Variants in ANKRD18B observed in about 807,000 individuals in gnomAD.
The protein encoded by ANKRD18B is ankyrin repeat domain-containing protein 18B.
ANKRD18B carries 75 observed loss-of-function variants against 111.8 expected under a neutral mutation model. The observed-to-expected ratio is 0.67, with a 90% confidence interval of 0.56 to 0.81. The LOEUF (loss-of-function observed/expected upper bound fraction) is 0.81, where lower values mean the gene tolerates loss of function less well. Among genes scored for constraint, ANKRD18B ranks in the 40% least tolerant of loss-of-function variants. The pLI is 0.00. For synonymous variants in ANKRD18B, 356 were observed against 417.3 expected (o/e 0.85, Z 1.79); for missense variants, 1,038 against 1,225.5 (o/e 0.85, Z 2.28).
chr9:33,536,762 AG>A (rs1191514786), intron 5 of ANKRD18B, 115 bp from the exon 6 acceptor site: 132 of 637,006 alleles, frequency 2.1e-4, no homozygotes, highest in Middle Eastern at 1.5e-3. Flanking sequence ...ATTGGACATT[AG>A]ATTTCTGATA....
chr9:33,552,494 T>G (rs1429416841), intron 12 of ANKRD18B, among the ~76,000 whole-genome samples: 1 of 152,198 alleles, frequency 6.6e-6, no homozygotes, highest in Non-Finnish European at 1.5e-5. Context: ...TCCAGGGTTT[T>G]CAGCTCCGTG....
intron 10 of ANKRD18B, among the ~76,000 whole-genome samples, chr9:33,543,562 C>G (rs1201130297): frequency 6.6e-6 from 1 of 152,136 alleles, no homozygotes; most frequent in African/African-American, 2.4e-5. Context: ...AGTTGTATTA[C>G]TAAGCAAGAG....
At chr9:33,529,478 T>G (rs2117976044) in intron 3 of ANKRD18B, among the ~76,000 whole-genome samples, 1 of 152,270 alleles carries the variant, frequency 6.6e-6, no homozygotes, top group East Asian at 1.9e-4. Context: ...AGGAAAAAAA[T>G]TGCCCTGGAA....
chr9:33,539,077 A>G (rs1361730282), intron 6 of ANKRD18B, among the ~76,000 whole-genome samples: 1 of 152,214 alleles, frequency 6.6e-6, no homozygotes, highest in African/African-American at 2.4e-5. Context: ...TAATTCATTC[A>G]AATACTTGTC....
chr9:33,555,796 G>C lies in ANKRD18B; in HGVS notation c.2306G>C (p.Arg769Pro). ...GCGGATCAAATAAGAAAGAAAAATC[G>C]TGAATTAGAAGAAGAGGCAACTGGG... is the stretch of plus-strand genomic sequence containing the variant. ...YTADQIRKKNRELEEEATGYK... is the reference protein window; with the variant it reads ...YTADQIRKKNPELEEEATGYK... Residue 769 changes from arginine to proline, a missense_variant, in exon 13 of 19, where the codon CGT becomes CCT. Arg to Pro is a moderately radical substitution (Grantham distance 103, BLOSUM62 -2). Coordinates refer to ENST00000684830, the MANE Select transcript of ANKRD18B (RefSeq NM_001393611.1). The C allele has an allele frequency of 3.6e-6, 5 of 1,399,534 alleles. No individual in the cohort carries two copies. The highest frequency in any genetic ancestry group is 4.7e-6 in the Non-Finnish European group (5 of 1,075,112). 86.7% of individuals were successfully genotyped at this position (1,399,534 alleles called of 1,614,324 possible).
Position 33,572,921 on chromosome 9 carries a change from A to T in ANKRD18B, c.*487A>T. ...GATGACTTGTGTTTGAACAAGTATT[A>T]CTGTGATGGTTGCCAGATGATTATT... On this transcript the variant is annotated 3_prime_UTR_variant, in exon 19 of 19. Coordinates refer to ENST00000684830, the MANE Select transcript of ANKRD18B (RefSeq NM_001393611.1). 1 of 248,812 alleles carries T rather than the reference A, an allele frequency of 4.0e-6. No homozygotes were observed. Among genetic ancestry groups the T allele is most frequent in the Non-Finnish European group, 6.6e-6 (1 of 150,628 alleles). 15.4% of individuals were successfully genotyped at this position (248,812 alleles called of 1,614,324 possible).
At chr9:33,569,385 C>T (rs1340580484) in intron 17 of ANKRD18B, among the ~76,000 whole-genome samples, 1 of 151,436 alleles carries the variant, frequency 6.6e-6, no homozygotes, top group Non-Finnish European at 1.5e-5. Flanking sequence ...TTGCCTCAGC[C>T]TCCCAAGTAG....
At chr9:33,534,300 G>A in intron 4 of ANKRD18B, 70 bp from the exon 5 acceptor site, 1 of 1,478,042 alleles carries the variant, frequency 6.8e-7, no homozygotes, top group African/African-American at 1.4e-5. Flanking sequence ...AATTGGTAAA[G>A]TGTATCCAAT....
chr9:33,558,874 C>T (rs1262359133), intron 14 of ANKRD18B, among the ~76,000 whole-genome samples: 1 of 152,056 alleles, frequency 6.6e-6, no homozygotes, highest in African/African-American at 2.4e-5. Context: ...CTTCATGAGA[C>T]AGTCACATTA....
At position 33,526,002 on chromosome 9, in the gene ANKRD18B, A is replaced by G. The variant is rs138452496; in HGVS notation, c.206+1307A>G. Among the ~76,000 whole-genome samples, 338 of 152,206 alleles carry G rather than the reference A, an allele frequency of 2.2e-3. 5 individuals carry two copies. The East Asian group carries it at 0.03, about 13-fold the overall frequency. On this transcript the variant is annotated intron_variant, in intron 1 of 18. Transcript: ENST00000684830. Reference sequence around the variant, plus strand: ...ACAGTGAGCAAAGTACTTTTTGCAGATCCACAAGTTACTTATTTACATAGG... The same window carrying G: ...ACAGTGAGCAAAGTACTTTTTGCAGGTCCACAAGTTACTTATTTACATAGG...
intron 14 of ANKRD18B, 61 bp downstream of exon 14, chr9:33,558,248 T>C: frequency 6.6e-7 from 1 of 1,524,242 alleles, no homozygotes; most frequent in East Asian, 2.4e-5. Flanking sequence ...GAGGTACAGG[T>C]TTGTTACATA....
downstream of ANKRD18B, among the ~76,000 whole-genome samples, chr9:33,573,941 G>A (rs931755777): frequency 6.9e-6 from 1 of 144,298 alleles, no homozygotes; most frequent in African/African-American, 2.4e-5. Context: ...CCTTATTAGT[G>A]GGGCCTGATC....
chr9:33,525,204 C>G (rs112441311), intron 1 of ANKRD18B, among the ~76,000 whole-genome samples: 238 of 152,282 alleles, frequency 1.6e-3, no homozygotes, highest in African/African-American at 5.2e-3. Context: ...ATCATTTTTG[C>G]ATGACACTTG....
downstream of ANKRD18B, among the ~76,000 whole-genome samples, chr9:33,574,899 C>T (rs1052213906): frequency 1.6e-4 from 25 of 152,118 alleles, no homozygotes; most frequent in Non-Finnish European, 2.8e-4. Flanking sequence ...GAGTCCCCAT[C>T]GCCTCTGTGT....
At chr9:33,546,877 T>C (rs945485241) in intron 10 of ANKRD18B, among the ~76,000 whole-genome samples, 3 of 152,108 alleles carry the variant, frequency 2.0e-5, no homozygotes, top group Admixed American at 6.6e-5. Flanking sequence ...GGTGATTGAA[T>C]GTACATTTGA....
At position 33,548,221 on chromosome 9, in the gene ANKRD18B, A is replaced by C. The variant is rs772286741; in HGVS notation, c.1433A>C (p.Lys478Thr). The C allele has an allele frequency of 1.9e-6, 3 of 1,550,982 alleles. No homozygotes were observed. The highest frequency in any genetic ancestry group is 2.6e-6 in the Non-Finnish European group (3 of 1,146,614). Residue 478 changes from lysine (K) to threonine (T), a missense_variant, in exon 11 of 19, where the codon AAG becomes ACG. This residue lies in a region of ANKRD18B where 205 missense variants were observed against 201.3 expected (regional missense o/e 1.02). Coordinates refer to ENST00000684830, the MANE Select transcript of ANKRD18B (RefSeq NM_001393611.1). ...GCAAGGCTGAATTCAAAATTGGAGAAGGAAAAACACAACAAAGAAAGACTA... is the reference window on the plus strand; with the variant it reads ...GCAAGGCTGAATTCAAAATTGGAGACGGAAAAACACAACAAAGAAAGACTA... The part of the protein sequence containing the change: ...ENARLNSKLE[K>T]EKHNKERLEA...
chr9:33,548,171 G>A lies in ANKRD18B; in HGVS notation c.1383G>A (p.Gln461=). 6.5e-7 allele frequency: 1 copy of A among 1,546,578 alleles called. No individual in the cohort carries two copies. Among genetic ancestry groups the A allele is most frequent in the South Asian group, 1.2e-5 (1 of 82,592 alleles). The change falls in exon 11 of 19, where the codon CAG becomes CAA. Residue 461 remains glutamine (Q), a synonymous_variant. Transcript: ENST00000684830. ...ITKKVAQYSQ[Q]LNDLKAENAR... is the part of the protein sequence containing the mutation. ...AAAAAGTGGCCCAGTATTCGCAACAGCTTAATGATCTGAAAGCTGAGAATG... is the reference window on the plus strand; with the variant it reads ...AAAAAGTGGCCCAGTATTCGCAACAACTTAATGATCTGAAAGCTGAGAATG...
At chr9:33,543,489 A>G (rs1330669438) in intron 10 of ANKRD18B, among the ~76,000 whole-genome samples, 1 of 152,166 alleles carries the variant, frequency 6.6e-6, no homozygotes, top group Non-Finnish European at 1.5e-5. Flanking sequence ...AATTTCCAGA[A>G]CTCTCTTTGC....
chr9:33,528,651 G>A, intron 1 of ANKRD18B, 76 bp from the exon 2 acceptor site: 1 of 1,243,606 alleles, frequency 8.0e-7, no homozygotes, highest in Non-Finnish European at 1.1e-6. Flanking sequence ...GCCATTCAAT[G>A]TTTACAATGA....
Sources: gnomAD v4.1 joint callset for allele counts (sites outside exome capture counted in the v4.1 genomes callset) on GRCh38, gnomAD v4.1.1 for gene constraint, gnomAD v4.1.1 regional missense constraint, MANE v1.5 for transcripts, NCBI Gene and HGNC (gene_info 2026-07-23, HGNC 2026-07-21) for gene names.